GNRHR: variants seen among roughly 807,000 people sequenced by gnomAD.
The protein encoded by GNRHR is gonadotropin releasing hormone receptor, also known as gonadotropin-releasing hormone receptor.
Under a neutral mutation model 28.1 loss-of-function variants are expected in GNRHR, and 14 were observed. The observed-to-expected ratio is 0.50, with a 90% confidence interval of 0.33 to 0.78. The LOEUF is 0.78. Ranked by LOEUF, GNRHR falls within the 30% of genes least tolerant of loss-of-function variation. GNRHR has a pLI of 0.02. For missense variants in GNRHR, 366 were observed against 382.1 expected (o/e 0.96, Z 0.35); for synonymous variants, 141 against 140.5 (o/e 1.00, Z -0.02).
Position 67,740,737 on chromosome 4 carries a change from GA to G in GNRHR, c.743-14del. On this transcript the variant is annotated splice_polypyrimidine_tract_variant and intron_variant, in intron 2 of 2. Transcript: ENST00000226413. ...TTCAGTTGTAGTTCTGTTGGATAGA[GA>G]AAAGAGCAGGTGTTTAAAGATCAGT... is the stretch of plus-strand genomic sequence containing the variant. 4 of 1,605,288 alleles carry G rather than the reference GA, an allele frequency of 2.5e-6. No individual in the cohort carries two copies. Among genetic ancestry groups the G allele is most frequent in the Non-Finnish European group, 3.4e-6 (4 of 1,172,018 alleles).
intron 1 of GNRHR, 99 bp downstream of exon 1, chr4:67,753,715 A>G: frequency 9.5e-7 from 1 of 1,048,494 alleles, no homozygotes; most frequent in African/African-American, 1.6e-5. Context: ...CCAAGCTCTT[A>G]AAGGTAATAC....
At position 67,754,027 on chromosome 4, in the gene GNRHR, A is replaced by G. The variant is rs755335246; in HGVS notation, c.309T>C (p.Ile103=). Residue 103 remains isoleucine (I), a synonymous_variant, in exon 1 of 3, where the codon ATT becomes ATC. Coordinates refer to ENST00000226413, the MANE Select transcript of GNRHR (RefSeq NM_000406.3). ...ACTCTCCAGCATACCATTGGACTGT[A>G]ATGTTCCACATCCCATCCAGTGGCA... ...IVMPLDGMWN[I]TVQWYAGELL... is the part of the protein sequence containing the mutation. 6.2e-7 allele frequency: 1 copy of G among 1,613,786 alleles called. No homozygotes were observed. Among genetic ancestry groups the G allele is most frequent in the African/African-American group, 1.3e-5 (1 of 74,916 alleles).
intron 2 of GNRHR, among the ~76,000 whole-genome samples, chr4:67,741,385 C>CT (rs1731656871): frequency 6.6e-6 from 1 of 151,970 alleles, no homozygotes; most frequent in Non-Finnish European, 1.5e-5. Context: ...TATTTTGTTC[C>CT]TTTTTTATGG....
At chr4:67,753,443 C>T (rs1322095459) in intron 1 of GNRHR, among the ~76,000 whole-genome samples, 1 of 151,942 alleles carries the variant, frequency 6.6e-6, no homozygotes, top group African/African-American at 2.4e-5. Flanking sequence ...TCAACCAAAA[C>T]AAAAAGAAAA....
chr4:67,737,984 C>T lies in GNRHR; in HGVS notation c.*2496G>A, dbSNP rs1038427. On this transcript the variant is annotated 3_prime_UTR_variant, in exon 3 of 3. Coordinates refer to ENST00000226413, the MANE Select transcript of GNRHR (RefSeq NM_000406.3). Reference sequence around the variant, plus strand: ...TCAAAGCCATATTTATCTTTTGTGCCATAAATTTTAGTTTATATATTACAT... The same window carrying T: ...TCAAAGCCATATTTATCTTTTGTGCTATAAATTTTAGTTTATATATTACAT... 0.39 allele frequency among the ~76,000 whole-genome samples: 58,293 copies of T among 150,928 alleles called. 11,366 individuals are homozygous for T. Among genetic ancestry groups the T allele is most frequent in the Middle Eastern group, 0.53 (149 of 282 alleles).
At chr4:67,744,869 T>A in intron 1 of GNRHR, 82 bp from the exon 2 acceptor site, 1 of 803,764 alleles carries the variant, frequency 1.2e-6, no homozygotes, top group Non-Finnish European at 2.1e-6. Context: ...GCTAGCCTTC[T>A]AACATGTTAC....
At chr4:67,743,918 T>A (rs1731707369) in intron 2 of GNRHR, among the ~76,000 whole-genome samples, 1 of 152,226 alleles carries the variant, frequency 6.6e-6, no homozygotes, top group African/African-American at 2.4e-5. Flanking sequence ...ATTTCCCTGA[T>A]AAGTTGTACC....
intron 2 of GNRHR, among the ~76,000 whole-genome samples, chr4:67,743,931 A>G (rs1487623399): frequency 2.6e-5 from 4 of 152,210 alleles, no homozygotes; most frequent in African/African-American, 7.2e-5. Flanking sequence ...GTTGTACCAG[A>G]TATAACTTAT....
At chr4:67,745,970 A>G (rs968889698) in intron 1 of GNRHR, among the ~76,000 whole-genome samples, 4 of 152,152 alleles carry the variant, frequency 2.6e-5, no homozygotes, top group African/African-American at 7.2e-5. Flanking sequence ...AGAATACTAA[A>G]GAGGTATGCA....
Position 67,738,522 on chromosome 4 carries a change from A to C in GNRHR, c.*1958T>G, listed in dbSNP as rs1016781462. Among the ~76,000 whole-genome samples the C allele has an allele frequency of 2.6e-5, 4 of 151,816 alleles. No individual in the cohort carries two copies. Among genetic ancestry groups the C allele is most frequent in the Non-Finnish European group, 4.4e-5 (3 of 67,842 alleles). ...TGAGCACACAAGAAGAACCAAGCTG[A>C]GATACATTCGTTAACACGTGTGTGA... On this transcript the variant is annotated 3_prime_UTR_variant, in exon 3 of 3. Coordinates refer to ENST00000226413, the MANE Select transcript of GNRHR (RefSeq NM_000406.3).
chr4:67,737,967 A>G lies in GNRHR; in HGVS notation c.*2513T>C, dbSNP rs1053536562. Among the ~76,000 whole-genome samples the G allele has an allele frequency of 2.6e-5, 4 of 151,648 alleles. No individual in the cohort carries two copies. The highest frequency in any genetic ancestry group is 5.9e-5 in the Non-Finnish European group (4 of 67,740). On this transcript the variant is annotated 3_prime_UTR_variant, in exon 3 of 3. Coordinates refer to ENST00000226413, the MANE Select transcript of GNRHR (RefSeq NM_000406.3). Reference sequence around the variant, plus strand: ...GTGGAATATCTTTAATTTCAAAGCCATATTTATCTTTTGTGCCATAAATTT... The same window carrying G: ...GTGGAATATCTTTAATTTCAAAGCCGTATTTATCTTTTGTGCCATAAATTT...
Position 67,738,091 on chromosome 4 carries a change from A to C in GNRHR, c.*2389T>G, listed in dbSNP as rs1731583192. 6.6e-6 allele frequency among the ~76,000 whole-genome samples: 1 copy of C among 151,686 alleles called. No homozygotes were observed. The highest frequency in any genetic ancestry group is 1.5e-5 in the Non-Finnish European group (1 of 67,774). ...TTATTTGTGTTATGTTTTTTATTACATATTGAACCTTAAGAGAGTTTGTTG... is the reference window on the plus strand; with the variant it reads ...TTATTTGTGTTATGTTTTTTATTACCTATTGAACCTTAAGAGAGTTTGTTG... On this transcript the variant is annotated 3_prime_UTR_variant, in exon 3 of 3. Coordinates refer to ENST00000226413, the MANE Select transcript of GNRHR (RefSeq NM_000406.3).
intron 1 of GNRHR, among the ~76,000 whole-genome samples, chr4:67,751,126 A>G (rs1245969924): frequency 6.6e-6 from 1 of 152,244 alleles, no homozygotes; most frequent in East Asian, 1.9e-4. Context: ...TGTAATCAAC[A>G]GTAAAAAATA....
Position 67,754,058 on chromosome 4 carries a change from A to T in GNRHR, c.278T>A (p.Ile93Asn). 5.0e-6 allele frequency: 8 copies of T among 1,614,136 alleles called. No individual in the cohort carries two copies. The highest frequency in any genetic ancestry group is 6.8e-6 in the Non-Finnish European group (8 of 1,179,972). ...LTLANLLETL[I>N]VMPLDGMWNI... ...CCACATCCCATCCAGTGGCATGACA[A>T]TCAGAGTCTCCAACAGGTTGGCTAA... Residue 93 changes from isoleucine (I) to asparagine (N), a missense_variant, in exon 1 of 3, where the codon ATT (isoleucine) becomes AAT (asparagine). Physicochemically the swap from Ile to Asn is moderately radical, Grantham distance 149. Coordinates refer to ENST00000226413, the MANE Select transcript of GNRHR (RefSeq NM_000406.3).
intron 2 of GNRHR, among the ~76,000 whole-genome samples, chr4:67,744,004 G>A (rs2319660): frequency 0.027 from 4,103 of 152,222 alleles, 93 homozygotes; most frequent in East Asian, 0.11. Flanking sequence ...TTTATTTCAT[G>A]AATTTATAAA....
At position 67,740,604 on chromosome 4, in the gene GNRHR, A is replaced by T. The variant is rs1198284952; in HGVS notation, c.863T>A (p.Ile288Asn). 1.9e-6 allele frequency: 3 copies of T among 1,613,124 alleles called. No homozygotes were observed. Among genetic ancestry groups the T allele is most frequent in the Admixed American group, 3.3e-5 (2 of 60,004 alleles). ...CATTTCAGGATCAAACCAATACCAA[A>T]TTCCTAGGACATAGTAGGGAGTCCA... Reference protein sequence around the residue: ...VCWTPYYVLGIWYWFDPEMLN... With the variant: ...VCWTPYYVLGNWYWFDPEMLN... Residue 288 changes from isoleucine (I) to asparagine (N), a missense_variant, in exon 3 of 3, where the codon ATT becomes AAT. Physicochemically the swap from Ile to Asn is moderately radical, Grantham distance 149 (BLOSUM62 -3). Transcript: ENST00000226413.
chr4:67,745,588 T>A (rs879126406), intron 1 of GNRHR, among the ~76,000 whole-genome samples: 1 of 152,058 alleles, frequency 6.6e-6, no homozygotes, highest in South Asian at 2.1e-4. Context: ...GCAAGAATCA[T>A]CAATAGCTGG....
At chr4:67,744,423 C>A in intron 2 of GNRHR, 145 bp downstream of exon 2, 1 of 669,690 alleles carries the variant, frequency 1.5e-6, no homozygotes, top group South Asian at 1.6e-5. Context: ...AAAATATTAC[C>A]TTATGGGGTG....
intron 2 of GNRHR, among the ~76,000 whole-genome samples, chr4:67,741,451 G>T (rs1731658418): frequency 6.6e-6 from 1 of 152,052 alleles, no homozygotes; most frequent in African/African-American, 2.4e-5. Context: ...CTCATTGATT[G>T]ATGGGCATTT....
Sources: gnomAD v4.1 joint callset for allele counts (sites outside exome capture counted in the v4.1 genomes callset) on GRCh38, gnomAD v4.1.1 for gene constraint, MANE v1.5 for transcripts, NCBI Gene and HGNC (gene_info 2026-07-23, HGNC 2026-07-21) for gene names.